The following SHANK2 variants were observed in gnomAD, a reference collection of about 807,000 sequenced individuals.
SHANK2 encodes the protein SH3 and multiple ankyrin repeat domains 2.
Under a neutral mutation model 133.7 loss-of-function variants are expected in SHANK2, and 43 were observed. The ratio of observed to expected loss-of-function variants is 0.32; its 90% CI spans 0.25 to 0.41. The LOEUF (loss-of-function observed/expected upper bound fraction) is 0.41. Ranked by LOEUF, SHANK2 falls within the 10% of genes least tolerant of loss-of-function variation. The pLI, the probability that SHANK2 is intolerant of heterozygous loss-of-function variation, is 1.00. For synonymous variants in SHANK2, 1,017 were observed against 952.8 expected (o/e 1.07, Z -1.24); for missense variants, 1,994 against 2,235.8 (o/e 0.89, Z 2.18).
intron 17 of SHANK2, among the ~76,000 whole-genome samples, chr11:70,518,007 A>G (rs1221338640): frequency 6.6e-6 from 1 of 152,016 alleles, no homozygotes; most frequent in Non-Finnish European, 1.5e-5. Context: ...TTCCCCATAA[A>G]CTCCTCAAAA....
At chr11:70,944,322 C>CCCAGG (rs1275644893) in intron 10 of SHANK2, among the ~76,000 whole-genome samples, 2 of 152,220 alleles carry the variant, frequency 1.3e-5, no homozygotes, top group African/African-American at 4.8e-5. Flanking sequence ...CCACACTCAT[C>CCCAGG]CCAGGCCCGG....
At chr11:70,850,203 A>G (rs1253189516) in intron 11 of SHANK2, among the ~76,000 whole-genome samples, 1 of 152,136 alleles carries the variant, frequency 6.6e-6, no homozygotes, top group African/African-American at 2.4e-5. Context: ...CAATCTTCAC[A>G]ACAGTGTCAG....
At chr11:70,905,040 C>T (rs868949116) in intron 10 of SHANK2, among the ~76,000 whole-genome samples, 10 of 152,134 alleles carry the variant, frequency 6.6e-5, no homozygotes, top group Non-Finnish European at 1.5e-4. Flanking sequence ...AGCCTGGGTG[C>T]TCTTAGGCAT....
intron 12 of SHANK2, among the ~76,000 whole-genome samples, chr11:70,818,751 G>A (rs946783789): frequency 2.0e-5 from 3 of 152,190 alleles, no homozygotes; most frequent in Non-Finnish European, 4.4e-5. Flanking sequence ...GAGGACGTGG[G>A]GTCTGCCAGC....
At chr11:70,954,572 G>A (rs947893469) in intron 10 of SHANK2, among the ~76,000 whole-genome samples, 8 of 152,228 alleles carry the variant, frequency 5.3e-5, no homozygotes, top group Non-Finnish European at 2.9e-5. Flanking sequence ...CGGGAGATCC[G>A]CCCTCACTTT....
At chr11:70,522,486 T>A (rs1486735293) in intron 17 of SHANK2, among the ~76,000 whole-genome samples, 1 of 152,240 alleles carries the variant, frequency 6.6e-6, no homozygotes, top group Non-Finnish European at 1.5e-5. Context: ...CATTAATTCT[T>A]AGCTTGTCTC....
rs1555158783 is a variant in SHANK2 at position 70,502,184 on chromosome 11, C to T, written c.2278+22G>A. On this transcript the variant is annotated intron_variant, in intron 19 of 25. Coordinates refer to ENST00000601538, the MANE Select transcript of SHANK2 (RefSeq NM_012309.5). ...GGACCGGCATGGTGACTGTACAGGG[C>T]TGGGCCGGGTGTGCGACTTACCGAG... 7 of 1,552,144 alleles carry T rather than the reference C, an allele frequency of 4.5e-6. No individual in the cohort carries two copies. In the East Asian group the frequency reaches 1.2e-4, roughly 27 times the overall value.
At chr11:71,232,033 T>G (rs551801518) in intron 1 of SHANK2, among the ~76,000 whole-genome samples, 1 of 152,010 alleles carries the variant, frequency 6.6e-6, no homozygotes, top group Non-Finnish European at 1.5e-5. Flanking sequence ...GGAACATTAC[T>G]CAGCAATAAA....
At chr11:70,865,692 G>A (rs960673916) in intron 11 of SHANK2, among the ~76,000 whole-genome samples, 4 of 151,522 alleles carry the variant, frequency 2.6e-5, no homozygotes, top group Admixed American at 1.3e-4. Context: ...ACACTGCCTC[G>A]CACCGCCTTC....
At chr11:71,250,879 C>T (rs1555125737) in intron 1 of SHANK2, among the ~76,000 whole-genome samples, 1 of 152,188 alleles carries the variant, frequency 6.6e-6, no homozygotes, top group African/African-American at 2.4e-5. Context: ...CGGGGGACTT[C>T]CGAAATTACC....
chr11:70,480,011 G>C (rs1555151116), intron 25 of SHANK2, among the ~76,000 whole-genome samples: 1 of 152,142 alleles, frequency 6.6e-6, no homozygotes, highest in African/African-American at 2.4e-5. Context: ...GCATTCACCT[G>C]ATCACACAGC....
intron 17 of SHANK2, among the ~76,000 whole-genome samples, chr11:70,643,927 G>T (rs1185657157): frequency 6.6e-6 from 1 of 151,600 alleles, no homozygotes; most frequent in Admixed American, 6.6e-5. Context: ...AGGGGGGGGA[G>T]GAACACAGAG....
At chr11:71,139,758 G>T (rs1372962697) in intron 3 of SHANK2, among the ~76,000 whole-genome samples, 3 of 152,174 alleles carry the variant, frequency 2.0e-5, no homozygotes, top group Non-Finnish European at 4.4e-5. Flanking sequence ...TCCCTGCGTG[G>T]CCCGGGAAGC....
At chr11:71,093,945 C>T (rs985911959) in intron 7 of SHANK2, among the ~76,000 whole-genome samples, 7 of 152,200 alleles carry the variant, frequency 4.6e-5, no homozygotes, top group African/African-American at 9.6e-5. Context: ...CCAGAGGCGC[C>T]GTGGCTGCAG....
At chr11:70,855,943 A>G (rs568155647) in intron 11 of SHANK2, among the ~76,000 whole-genome samples, 1 of 152,166 alleles carries the variant, frequency 6.6e-6, no homozygotes, top group Non-Finnish European at 1.5e-5. Context: ...AGAGAGATGG[A>G]AGGATGGATG....
intron 14 of SHANK2, among the ~76,000 whole-genome samples, chr11:70,744,090 A>G (rs1555035365): frequency 2.6e-5 from 4 of 152,190 alleles, no homozygotes; most frequent in South Asian, 2.1e-4. Context: ...AGCTGCCACC[A>G]ATGTGTGGCT....
intron 17 of SHANK2, among the ~76,000 whole-genome samples, chr11:70,532,454 A>G (rs1379580337): frequency 1.3e-5 from 2 of 152,148 alleles, no homozygotes; most frequent in South Asian, 4.1e-4. Flanking sequence ...GCCCATCAGC[A>G]AACGCCTCAA....
At chr11:70,737,573 A>G (rs1946430844) in intron 14 of SHANK2, among the ~76,000 whole-genome samples, 3 of 152,170 alleles carry the variant, frequency 2.0e-5, no homozygotes, top group Admixed American at 1.3e-4. Context: ...CCAAACCCAC[A>G]TGATACACCC....
chr11:70,748,826 C>A (rs1342830972), intron 14 of SHANK2, among the ~76,000 whole-genome samples: 3 of 152,170 alleles, frequency 2.0e-5, no homozygotes, highest in Non-Finnish European at 4.4e-5. Context: ...CTGGCGACCC[C>A]CTCCCACCAG....
Sources: allele counts gnomAD v4.1 joint callset (sites outside exome capture counted in the v4.1 genomes callset), GRCh38; gene constraint gnomAD v4.1.1; transcripts MANE v1.5; gene names NCBI Gene and HGNC (gene_info 2026-07-23, HGNC 2026-07-21).